The following BRINP3 variants were observed in gnomAD, a reference collection of about 807,000 sequenced individuals.
BRINP3 encodes BMP/retinoic acid-inducible neural-specific protein 3.
BRINP3 carries 19 observed loss-of-function variants against 71.0 expected under a neutral mutation model. The observed-to-expected ratio is 0.27, with a 90% confidence interval of 0.19 to 0.39. The LOEUF is 0.39. BRINP3 is among the 10% of genes least tolerant of loss of function. The pLI is 1.00. For missense variants in BRINP3, 959 were observed against 940.8 expected (o/e 1.02, Z -0.25); for synonymous variants, 380 against 337.7 (o/e 1.13, Z -1.37).
At chr1:190,413,956 T>G (rs1458554976) in intron 2 of BRINP3, among the ~76,000 whole-genome samples, 1 of 152,136 alleles carries the variant, frequency 6.6e-6, no homozygotes, top group East Asian at 1.9e-4. Context: ...AATTTAAATT[T>G]AAAAAATATT....
chr1:190,244,102 G>T (rs1659357963), intron 4 of BRINP3, among the ~76,000 whole-genome samples: 1 of 151,924 alleles, frequency 6.6e-6, no homozygotes, highest in Admixed American at 6.6e-5. Flanking sequence ...GAAATAAAGT[G>T]CACCTTAATG....
At position 190,342,286 on chromosome 1, in the gene BRINP3, C is replaced by T. The variant is rs545333052; in HGVS notation, c.237-60536G>A. 5 of 150,214 alleles carry T rather than the reference C, an allele frequency of 3.3e-5. No homozygotes were observed. The South Asian group carries it at 1.0e-3, about 31-fold the overall frequency. 9.3% of individuals were successfully genotyped at this position (150,214 alleles called of 1,614,324 possible). A position where few individuals can be genotyped will look rare whatever the true frequency, so the allele number is the denominator to read the frequency against. ...TTCCATCTCCAAGTTTACTAAGTAA[C>T]CTAGCATATTCACATTTTCAAGCAT... is the stretch of plus-strand genomic sequence containing the variant. On this transcript the variant is annotated intron_variant, in intron 2 of 7. Coordinates refer to ENST00000367462, the MANE Select transcript of BRINP3 (RefSeq NM_199051.3).
chr1:190,465,906 G>C (rs1211440347), intron 1 of BRINP3, among the ~76,000 whole-genome samples: 1 of 151,866 alleles, frequency 6.6e-6, no homozygotes, highest in African/African-American at 2.4e-5. Context: ...ACGATATGTA[G>C]AAATGAAGTA....
chr1:190,362,080 T>G (rs1669185689), intron 2 of BRINP3: 1 of 152,106 alleles, frequency 6.6e-6, no homozygotes, highest in South Asian at 2.1e-4. Flanking sequence ...GGGCATACAG[T>G]GAGATGGCAG....
At chr1:190,392,256 C>T (rs1245389639) in intron 2 of BRINP3, among the ~76,000 whole-genome samples, 1 of 151,460 alleles carries the variant, frequency 6.6e-6, no homozygotes, top group Non-Finnish European at 1.5e-5. Flanking sequence ...ACGGTTGTTG[C>T]CTTAATAATG....
chr1:190,097,715 C>T lies in BRINP3; in HGVS notation c.*303G>A, dbSNP rs996156111. Reference sequence around the variant, plus strand: ...TTATTGGTATCTTTTTATGTTCCCTCTAGAGGATGTAATGCACAAAAGCAT... The same window carrying T: ...TTATTGGTATCTTTTTATGTTCCCTTTAGAGGATGTAATGCACAAAAGCAT... On this transcript the variant is annotated 3_prime_UTR_variant, in exon 8 of 8. Transcript: ENST00000367462. 1 of 248,390 alleles carries T rather than the reference C, an allele frequency of 4.0e-6. No homozygotes were observed. The highest frequency in any genetic ancestry group is 2.2e-5 in the African/African-American group (1 of 44,712). 15.4% of individuals were successfully genotyped at this position (248,390 alleles called of 1,614,324 possible).
intron 2 of BRINP3, among the ~76,000 whole-genome samples, chr1:190,297,780 G>GTGTA (rs1664359875): frequency 4.9e-5 from 2 of 40,502 alleles, no homozygotes; most frequent in Non-Finnish European, 1.5e-4. Flanking sequence ...CTGTTTTCTC[G>GTGTA]TGTGTGTGTG....
chr1:190,244,849 T>A lies in BRINP3; in HGVS notation c.619-10372A>T, dbSNP rs139548712. 1.0e-3 allele frequency among the ~76,000 whole-genome samples: 158 copies of A among 152,226 alleles called. 1 individual carries two copies. Among genetic ancestry groups the A allele is most frequent in the African/African-American group, 3.3e-3 (139 of 41,566 alleles). ...TGCCCACTATTTTATTTCGAGTAAA[T>A]ACTTCTATCAAAAATTTTCAATTTC... On this transcript the variant is annotated intron_variant, in intron 4 of 7. Coordinates refer to ENST00000367462, the MANE Select transcript of BRINP3 (RefSeq NM_199051.3).
At chr1:190,385,126 C>T (rs1670802272) in intron 2 of BRINP3, among the ~76,000 whole-genome samples, 1 of 151,940 alleles carries the variant, frequency 6.6e-6, no homozygotes, top group Non-Finnish European at 1.5e-5. Context: ...CCATAAAAAC[C>T]CTAGAAGAAA....
At chr1:190,362,077 C>G (rs1030979803) in intron 2 of BRINP3, 2 of 152,158 alleles carry the variant, frequency 1.3e-5, no homozygotes, top group African/African-American at 4.8e-5. Flanking sequence ...TGAGGGCATA[C>G]AGTGAGATGG....
At chr1:190,286,064 C>G (rs1663402565) in intron 2 of BRINP3, among the ~76,000 whole-genome samples, 1 of 152,108 alleles carries the variant, frequency 6.6e-6, no homozygotes, top group East Asian at 1.9e-4. Flanking sequence ...TTTCAAGACA[C>G]CACTGTGATA....
chr1:190,413,756 A>G (rs1000518096), intron 2 of BRINP3, among the ~76,000 whole-genome samples: 45 of 152,160 alleles, frequency 3.0e-4, no homozygotes, highest in African/African-American at 1.1e-3. Flanking sequence ...AGCCACCAAG[A>G]TTTTCGTACT....
intron 6 of BRINP3, among the ~76,000 whole-genome samples, chr1:190,167,421 T>G (rs746631381): frequency 6.6e-6 from 1 of 152,106 alleles, no homozygotes; most frequent in East Asian, 1.9e-4. Flanking sequence ...CCTATATGCC[T>G]GCATATAATT....
At chr1:190,201,169 G>A (rs1571344515) in intron 6 of BRINP3, among the ~76,000 whole-genome samples, 1 of 151,144 alleles carries the variant, frequency 6.6e-6, no homozygotes. Flanking sequence ...TGAACAATAA[G>A]CTGAGGTGGT....
chr1:190,395,637 C>A (rs1452569436), intron 2 of BRINP3, among the ~76,000 whole-genome samples: 1 of 151,634 alleles, frequency 6.6e-6, no homozygotes, highest in African/African-American at 2.4e-5. Flanking sequence ...ATTTAATTAT[C>A]TCTCTAGAGC....
chr1:190,405,450 C>CAAAAAAAAAAAAAAAAAAA (rs1334402738), intron 2 of BRINP3, among the ~76,000 whole-genome samples: 1 of 39,148 alleles, frequency 2.6e-5, no homozygotes, highest in Non-Finnish European at 4.1e-5. Context: ...GACTCCGTCT[C>CAAAAAAAAAAAAAAAAAAA]AAAAAAAAAA....
intron 6 of BRINP3, among the ~76,000 whole-genome samples, chr1:190,210,113 A>C (rs1655858702): frequency 6.6e-6 from 1 of 152,110 alleles, no homozygotes; most frequent in Non-Finnish European, 1.5e-5. Context: ...AAAAGGTATG[A>C]ATGTACTCAG....
chr1:190,205,173 T>C (rs1655388321), intron 6 of BRINP3, among the ~76,000 whole-genome samples: 1 of 151,954 alleles, frequency 6.6e-6, no homozygotes, highest in Non-Finnish European at 1.5e-5. Flanking sequence ...CACCAGTTGA[T>C]CTGCAACATC....
chr1:190,165,308 T>C (rs1029291916), intron 6 of BRINP3, among the ~76,000 whole-genome samples: 1 of 151,540 alleles, frequency 6.6e-6, no homozygotes, highest in Non-Finnish European at 1.5e-5. Flanking sequence ...TAAGTGCTCA[T>C]AACAAATTCT....
Sources: allele counts gnomAD v4.1 joint callset (sites outside exome capture counted in the v4.1 genomes callset), GRCh38; gene constraint gnomAD v4.1.1; transcripts MANE v1.5; gene names NCBI Gene and HGNC (gene_info 2026-07-23, HGNC 2026-07-21).